Variants in FAM81A observed in about 807,000 individuals in gnomAD.
FAM81A encodes family with sequence similarity 81 member A, also known as protein FAM81A.
FAM81A carries 19 observed loss-of-function variants against 46.7 expected under a neutral mutation model. The ratio of observed to expected loss-of-function variants is 0.41; its 90% CI spans 0.28 to 0.60. FAM81A has a LOEUF of 0.60. Ranked by LOEUF, FAM81A falls within the 20% of genes least tolerant of loss-of-function variation. The pLI is 0.34. For synonymous variants in FAM81A, 183 were observed against 152.9 expected (o/e 1.20, Z -1.45); for missense variants, 377 against 453.5 (o/e 0.83, Z 1.53).
chr15:59,512,403 C>G (rs2082220643), intron 6 of FAM81A, among the ~76,000 whole-genome samples: 1 of 132,552 alleles, frequency 7.5e-6, no homozygotes, highest in Non-Finnish European at 1.5e-5. Context: ...ACCTGAGAGG[C>G]AGAGGTTGCA....
chr15:59,471,340 T>C (rs2081686538), intron 3 of FAM81A, among the ~76,000 whole-genome samples: 2 of 152,234 alleles, frequency 1.3e-5, no homozygotes, highest in South Asian at 4.1e-4. Context: ...ATCTACCTGA[T>C]GCATTGACCC....
intron 2 of FAM81A, among the ~76,000 whole-genome samples, chr15:59,410,335 A>G (rs2141537599): frequency 6.6e-6 from 1 of 152,294 alleles, no homozygotes; most frequent in East Asian, 1.9e-4. Flanking sequence ...CTAGTACAGA[A>G]GAAAGTTTCA....
At chr15:59,494,329 G>T (rs1279802726) in intron 4 of FAM81A, among the ~76,000 whole-genome samples, 1 of 152,152 alleles carries the variant, frequency 6.6e-6, no homozygotes, top group Non-Finnish European at 1.5e-5. Context: ...CTTCGTAGCC[G>T]CTTGAGTTGC....
At chr15:59,409,100 G>A (rs1015063450) in intron 2 of FAM81A, 2 of 152,090 alleles carry the variant, frequency 1.3e-5, no homozygotes, top group African/African-American at 4.8e-5. Context: ...CTATCCAGTC[G>A]GATAGCTCCT....
intron 1 of FAM81A, among the ~76,000 whole-genome samples, chr15:59,451,087 A>G (rs2081412956): frequency 6.6e-6 from 1 of 152,242 alleles, no homozygotes; most frequent in Non-Finnish European, 1.5e-5. Flanking sequence ...ATCATGTTTC[A>G]GCATCATGGG....
At chr15:59,401,729 A>G (rs540448156) in intron 1 of FAM81A, 1 of 773,508 alleles carries the variant, frequency 1.3e-6, no homozygotes, top group Non-Finnish European at 2.4e-6. Flanking sequence ...CTCTCTGTCC[A>G]GCAGATAGGC....
At chr15:59,512,699 T>C (rs1234085099) in intron 6 of FAM81A, among the ~76,000 whole-genome samples, 1 of 152,114 alleles carries the variant, frequency 6.6e-6, no homozygotes, top group African/African-American at 2.4e-5. Context: ...CTAGCTTCCA[T>C]GCTGGCTCTC....
At chr15:59,446,373 T>G (rs1482140473) in intron 1 of FAM81A, 1 of 152,218 alleles carries the variant, frequency 6.6e-6, no homozygotes, top group Non-Finnish European at 1.5e-5. Context: ...AGTCATTGGG[T>G]TCTAGAGGTC....
At chr15:59,520,156 CA>C (rs750179284) in intron 8 of FAM81A, among the ~76,000 whole-genome samples, 29 of 151,712 alleles carry the variant, frequency 1.9e-4, no homozygotes, top group Non-Finnish European at 2.9e-5. Context: ...TTGTATTGCC[CA>C]AGACAATTCT....
intron 3 of FAM81A, among the ~76,000 whole-genome samples, chr15:59,484,395 C>A (rs553575899): frequency 6.6e-6 from 1 of 152,256 alleles, no homozygotes; most frequent in Admixed American, 6.5e-5. Context: ...TCATGAGAAC[C>A]AAAAAGCAGG....
chr15:59,513,689 C>T (rs764888728), intron 6 of FAM81A, among the ~76,000 whole-genome samples: 32 of 151,960 alleles, frequency 2.1e-4, no homozygotes, highest in Non-Finnish European at 4.4e-4. Flanking sequence ...ATTGTTAGAA[C>T]CAGAAATACC....
At chr15:59,500,802 A>G (rs762648779) in intron 4 of FAM81A, among the ~76,000 whole-genome samples, 2 of 151,070 alleles carry the variant, frequency 1.3e-5, no homozygotes, top group African/African-American at 4.9e-5. Context: ...CCCTCTATCA[A>G]TTTTTTGTTC....
intron 3 of FAM81A, among the ~76,000 whole-genome samples, chr15:59,488,546 A>C (rs764183705): frequency 6.6e-6 from 1 of 152,254 alleles, no homozygotes; most frequent in Non-Finnish European, 1.5e-5. Context: ...AAAAACTATT[A>C]GTACTGATAA....
At chr15:59,464,043 T>C (rs1474311777) in intron 3 of FAM81A, among the ~76,000 whole-genome samples, 1 of 152,188 alleles carries the variant, frequency 6.6e-6, no homozygotes, top group African/African-American at 2.4e-5. Flanking sequence ...TTTTTAGCTT[T>C]CACATATGAG....
At chr15:59,491,871 C>A (rs1026770142) in intron 3 of FAM81A, among the ~76,000 whole-genome samples, 1 of 151,998 alleles carries the variant, frequency 6.6e-6, no homozygotes, top group East Asian at 1.9e-4. Flanking sequence ...GAAGCTGAGG[C>A]AGGAGAATTG....
intron 2 of FAM81A, among the ~76,000 whole-genome samples, chr15:59,425,469 T>G (rs1395251828): frequency 6.6e-6 from 1 of 152,238 alleles, no homozygotes; most frequent in African/African-American, 2.4e-5. Context: ...TTCATAAGCC[T>G]TATTTAAAAA....
intron 3 of FAM81A, among the ~76,000 whole-genome samples, chr15:59,490,322 AACGT>A (rs1184229158): frequency 6.6e-6 from 1 of 152,190 alleles, no homozygotes; most frequent in Non-Finnish European, 1.5e-5. Flanking sequence ...GTGGAGGGAG[AACGT>A]AGTTGCAAAC....
chr15:59,469,054 A>G (rs574859449), intron 3 of FAM81A, among the ~76,000 whole-genome samples: 4 of 152,298 alleles, frequency 2.6e-5, no homozygotes, highest in African/African-American at 9.6e-5. Flanking sequence ...TTCTGATTTG[A>G]TTGCACTGTG....
At chr15:59,447,533 A>T (rs2081365973) in intron 1 of FAM81A, among the ~76,000 whole-genome samples, 2 of 152,178 alleles carry the variant, frequency 1.3e-5, no homozygotes, top group Non-Finnish European at 2.9e-5. Context: ...TTTCCTTTGC[A>T]CATAATTTGG....
Sources: gnomAD v4.1 joint callset for allele counts (sites outside exome capture counted in the v4.1 genomes callset) on GRCh38, gnomAD v4.1.1 for gene constraint, MANE v1.5 for transcripts, NCBI Gene and HGNC (gene_info 2026-07-23, HGNC 2026-07-21) for gene names.